The following ZNF385B variants were observed in gnomAD, a reference collection of about 807,000 sequenced individuals.
ZNF385B encodes zinc finger protein 533.
A neutral mutation model predicts 39.2 loss-of-function variants in ZNF385B; 23 were observed. The observed-to-expected ratio is 0.59, with a 90% CI of 0.42 to 0.83. The LOEUF is 0.83. Among genes scored for constraint, ZNF385B ranks in the 40% least tolerant of loss-of-function variants. ZNF385B has a pLI of 0.00. For synonymous variants in ZNF385B, 205 were observed against 222.6 expected (o/e 0.92, Z 0.70); for missense variants, 552 against 598.9 (o/e 0.92, Z 0.82).
intron 1 of ZNF385B, among the ~76,000 whole-genome samples, chr2:179,792,370 C>CTTTTTTT (rs1346808450): frequency 0.1 from 6,922 of 66,334 alleles, 669 homozygotes; most frequent in African/African-American, 0.17. Flanking sequence ...ATTTCATTTT[C>CTTTTTTT]TTTTCTTTTT....
chr2:179,811,224 A>G (rs943248636), intron 1 of ZNF385B, among the ~76,000 whole-genome samples: 1 of 152,168 alleles, frequency 6.6e-6, no homozygotes, highest in Non-Finnish European at 1.5e-5. Context: ...TAAAATAACC[A>G]TATCACCCAA....
chr2:179,598,470 G>A (rs991934810), intron 3 of ZNF385B, among the ~76,000 whole-genome samples: 1 of 152,084 alleles, frequency 6.6e-6, no homozygotes, highest in African/African-American at 2.4e-5. Flanking sequence ...ACGTGCTTTA[G>A]TCTTAAGTGT....
intron 6 of ZNF385B, among the ~76,000 whole-genome samples, chr2:179,479,444 G>C (rs544556356): frequency 3.9e-5 from 6 of 152,254 alleles, no homozygotes; most frequent in Non-Finnish European, 1.5e-5. Context: ...GAGAAAAATG[G>C]TTGTGCCAAG....
chr2:179,599,047 T>C (rs1365084270), intron 3 of ZNF385B, among the ~76,000 whole-genome samples: 1 of 152,228 alleles, frequency 6.6e-6, no homozygotes, highest in Admixed American at 6.5e-5. Flanking sequence ...GGAATCATGA[T>C]TTAATCTATA....
At chr2:179,725,554 G>A (rs1488115359) in intron 3 of ZNF385B, among the ~76,000 whole-genome samples, 1 of 151,444 alleles carries the variant, frequency 6.6e-6, no homozygotes, top group Non-Finnish European at 1.5e-5. Flanking sequence ...TAAATTAAGT[G>A]TTGTCTTTTT....
intron 4 of ZNF385B, among the ~76,000 whole-genome samples, chr2:179,524,114 A>G (rs2058701810): frequency 6.6e-6 from 1 of 152,074 alleles, no homozygotes; most frequent in African/African-American, 2.4e-5. Flanking sequence ...ATTTGTAAAG[A>G]TGGGGAAATC....
In ZNF385B at chr2:179,564,948, C is replaced by G. The variant is rs150913526; in HGVS notation, c.299-19979G>C. ...ACTTCCTTACATGCAGACTCTAAAA[C>G]TTGAAGCTGTATTTGACTTCTCCCT... is the stretch of plus-strand genomic sequence containing the variant. On this transcript the variant is annotated intron_variant, in intron 3 of 9. Coordinates refer to ENST00000410066, the MANE Select transcript of ZNF385B (RefSeq NM_152520.6). Among the ~76,000 whole-genome samples, 76 of 152,274 alleles carry G rather than the reference C, an allele frequency of 5.0e-4. 1 individual carries two copies. The highest frequency in any genetic ancestry group is 1.8e-3 in the African/African-American group (74 of 41,572).
chr2:179,494,548 AT>A (rs2055949376), intron 5 of ZNF385B, among the ~76,000 whole-genome samples: 1 of 152,118 alleles, frequency 6.6e-6, no homozygotes, highest in Admixed American at 6.5e-5. Flanking sequence ...ATCATCCATA[AT>A]TTTGATGGAA....
intron 1 of ZNF385B, among the ~76,000 whole-genome samples, chr2:179,826,173 G>C (rs764114360): frequency 6.6e-6 from 1 of 152,124 alleles, no homozygotes; most frequent in Non-Finnish European, 1.5e-5. Flanking sequence ...ACAGAGTTTA[G>C]GGTTTGGAAT....
rs188831006 is a variant in ZNF385B at position 179,786,576 on chromosome 2, C to A, written c.-154-15904G>T. 4.6e-5 allele frequency among the ~76,000 whole-genome samples: 7 copies of A among 152,166 alleles called. No homozygotes were observed. In the East Asian group the frequency reaches 1.4e-3, roughly 29 times the overall value. ...GACTAGAGAATCTTAGGTAACCCCC[C>A]TAAGGCACTGGTAGCCACTTGTCCC... On this transcript the variant is annotated intron_variant, in intron 1 of 9. Transcript: ENST00000410066.
At chr2:179,829,661 C>A (rs972734578) in intron 1 of ZNF385B, among the ~76,000 whole-genome samples, 1 of 152,088 alleles carries the variant, frequency 6.6e-6, no homozygotes, top group Admixed American at 6.5e-5. Flanking sequence ...CTACAGGCGC[C>A]CGCCACCATG....
intron 1 of ZNF385B, among the ~76,000 whole-genome samples, chr2:179,807,745 A>C (rs1253632502): frequency 1.3e-5 from 2 of 151,768 alleles, no homozygotes; most frequent in African/African-American, 4.8e-5. Context: ...AATACAAAAA[A>C]TTAGCTGGGC....
At chr2:179,772,374 T>C (rs771984892) in intron 1 of ZNF385B, among the ~76,000 whole-genome samples, 1 of 152,192 alleles carries the variant, frequency 6.6e-6, no homozygotes, top group Non-Finnish European at 1.5e-5. Flanking sequence ...TGGGCCACTC[T>C]AGAAAAGACC....
intron 3 of ZNF385B, among the ~76,000 whole-genome samples, chr2:179,646,779 G>A (rs1223170191): frequency 6.6e-6 from 1 of 152,180 alleles, no homozygotes; most frequent in Non-Finnish European, 1.5e-5. Flanking sequence ...ATTACAATCA[G>A]GTCAATAGGT....
At chr2:179,545,864 C>T (rs1340613925) in intron 3 of ZNF385B, among the ~76,000 whole-genome samples, 2 of 152,026 alleles carry the variant, frequency 1.3e-5, no homozygotes, top group Admixed American at 6.6e-5. Flanking sequence ...AAGTATCCAT[C>T]CCCTCAAGCA....
chr2:179,464,408 C>T (rs1401652222), intron 6 of ZNF385B, among the ~76,000 whole-genome samples: 3 of 152,180 alleles, frequency 2.0e-5, no homozygotes, highest in Admixed American at 1.3e-4. Flanking sequence ...GTGTTTTAGA[C>T]ATGAAGTCTT....
chr2:179,716,226 T>G (rs1177949728), intron 3 of ZNF385B, among the ~76,000 whole-genome samples: 1 of 152,156 alleles, frequency 6.6e-6, no homozygotes, highest in East Asian at 1.9e-4. Context: ...GAGAAAAGGT[T>G]TAAGTAAGAG....
chr2:179,523,154 G>A (rs2058628437), intron 4 of ZNF385B, among the ~76,000 whole-genome samples: 1 of 152,124 alleles, frequency 6.6e-6, no homozygotes, highest in Non-Finnish European at 1.5e-5. Flanking sequence ...TGAAAGATGA[G>A]GTTGCAGCTG....
chr2:179,769,351 A>C (rs1170452609), intron 3 of ZNF385B, 152 bp downstream of exon 3: 4 of 1,235,800 alleles, frequency 3.2e-6, no homozygotes, highest in Non-Finnish European at 4.4e-6. Flanking sequence ...GGTGACAAAC[A>C]GCTCATGTAT....
Sources: allele counts gnomAD v4.1 joint callset (sites outside exome capture counted in the v4.1 genomes callset), GRCh38; gene constraint gnomAD v4.1.1; transcripts MANE v1.5; gene names NCBI Gene and HGNC (gene_info 2026-07-23, HGNC 2026-07-21).